The following NR5A2 variants were observed in gnomAD, a reference collection of about 807,000 sequenced individuals.
NR5A2 encodes nuclear receptor subfamily 5 group A member 2, also known as CYP7A promoter-binding factor.
In NR5A2, 26 loss-of-function variants were observed where a neutral mutation model predicts 62.7. The ratio of observed to expected loss-of-function variants is 0.41; its 90% CI spans 0.30 to 0.58. The LOEUF is 0.58. NR5A2 is among the 20% of genes least tolerant of loss of function. The pLI, the probability that NR5A2 is intolerant of heterozygous loss-of-function variation, is 0.22. For missense variants in NR5A2, 541 were observed against 669.1 expected, an observed-to-expected ratio of 0.81 and a Z score of 2.11; for synonymous variants, 246 against 241.7, an observed-to-expected ratio of 1.02 and a Z score of -0.16.
chr1:200,098,318 A>G (rs755810857), intron 5 of NR5A2, among the ~76,000 whole-genome samples: 10 of 152,090 alleles, frequency 6.6e-5, no homozygotes, highest in Admixed American at 1.3e-4. Flanking sequence ...CCAAGGTTCT[A>G]TCATTTGGTA....
intron 4 of NR5A2, among the ~76,000 whole-genome samples, chr1:200,047,336 A>T (rs1175063929): frequency 6.6e-6 from 1 of 152,126 alleles, no homozygotes; most frequent in Non-Finnish European, 1.5e-5. Context: ...GGTGAACATG[A>T]TTTTCCAAGA....
At chr1:200,126,767 T>G (rs573073929) in intron 7 of NR5A2, among the ~76,000 whole-genome samples, 1 of 152,106 alleles carries the variant, frequency 6.6e-6, no homozygotes, top group African/African-American at 2.4e-5. Context: ...TTTGCCTGCC[T>G]CAGCCTCCCA....
chr1:200,133,208 G>T (rs1667043226), intron 7 of NR5A2, among the ~76,000 whole-genome samples: 1 of 152,010 alleles, frequency 6.6e-6, no homozygotes, highest in African/African-American at 2.4e-5. Context: ...AGAAACGTGG[G>T]GAATGTACAT....
intron 5 of NR5A2, among the ~76,000 whole-genome samples, chr1:200,049,817 G>A (rs565599035): frequency 1.6e-4 from 24 of 152,270 alleles, no homozygotes; most frequent in African/African-American, 5.5e-4. Flanking sequence ...ATGCAAAGCC[G>A]ACTTTTAATT....
chr1:200,033,410 A>C (rs1260338704), intron 1 of NR5A2, among the ~76,000 whole-genome samples: 2 of 152,106 alleles, frequency 1.3e-5, no homozygotes, highest in Non-Finnish European at 2.9e-5. Flanking sequence ...AATTAAAAAA[A>C]AAAGCACTTT....
intron 5 of NR5A2, among the ~76,000 whole-genome samples, chr1:200,090,227 T>C (rs1664754313): frequency 6.6e-6 from 1 of 152,212 alleles, no homozygotes; most frequent in Non-Finnish European, 1.5e-5. Flanking sequence ...TTGTCAGAAA[T>C]TCATTTATGA....
intron 1 of NR5A2, among the ~76,000 whole-genome samples, chr1:200,037,940 A>T (rs1661853893): frequency 6.6e-6 from 1 of 152,238 alleles, no homozygotes; most frequent in Admixed American, 6.5e-5. Flanking sequence ...GGGCAGTTTC[A>T]ATGTGTAATC....
At chr1:200,038,098 T>C (rs547193208) in intron 1 of NR5A2, among the ~76,000 whole-genome samples, 1 of 152,388 alleles carries the variant, frequency 6.6e-6, no homozygotes, top group East Asian at 1.9e-4. Context: ...AGAATGTTTT[T>C]CATCTTGTTG....
intron 6 of NR5A2, 114 bp downstream of exon 6, chr1:200,111,435 C>T (rs191820164): frequency 8.0e-5 from 94 of 1,174,104 alleles, no homozygotes; most frequent in South Asian, 3.1e-4. Flanking sequence ...GAGAGATTGG[C>T]TGCCAATAAT....
intron 7 of NR5A2, among the ~76,000 whole-genome samples, chr1:200,164,765 C>A (rs1268298760): frequency 6.7e-6 from 1 of 149,696 alleles, no homozygotes; most frequent in Admixed American, 6.7e-5. Flanking sequence ...CCAGGCTGGT[C>A]TTAAACTCCT....
At chr1:200,044,929 A>G (rs1440316147) in intron 3 of NR5A2, among the ~76,000 whole-genome samples, 1 of 151,552 alleles carries the variant, frequency 6.6e-6, no homozygotes, top group African/African-American at 2.4e-5. Context: ...GCATTTTCCC[A>G]TTTTACTCTT....
At chr1:200,054,984 C>T (rs1196780994) in intron 5 of NR5A2, among the ~76,000 whole-genome samples, 2 of 151,774 alleles carry the variant, frequency 1.3e-5, no homozygotes, top group Admixed American at 6.6e-5. Flanking sequence ...GCAGCCTTGA[C>T]CTTGTGGCCT....
chr1:200,157,383 A>G (rs1028794204), intron 7 of NR5A2, among the ~76,000 whole-genome samples: 2 of 152,214 alleles, frequency 1.3e-5, no homozygotes, highest in Non-Finnish European at 2.9e-5. Context: ...TGGTCACCAC[A>G]TAGTCTTAGT....
intron 7 of NR5A2, among the ~76,000 whole-genome samples, chr1:200,137,587 T>G (rs372041384): frequency 8.3e-4 from 127 of 152,328 alleles, no homozygotes; most frequent in African/African-American, 2.9e-3. Flanking sequence ...TAGCCTAGAT[T>G]ATTAGCAGAT....
At chr1:200,038,797 C>T (rs1177251489) in intron 1 of NR5A2, 16 of 1,301,212 alleles carry the variant, frequency 1.2e-5, no homozygotes, top group Non-Finnish European at 1.4e-5. Flanking sequence ...CATTTACATC[C>T]CCCCGCCCCG....
Position 200,176,290 on chromosome 1 carries a change from G to C in NR5A2, c.*2080G>C, listed in dbSNP as rs1044172557. On this transcript the variant is annotated 3_prime_UTR_variant, in exon 8 of 8. Coordinates refer to ENST00000367362, the MANE Select transcript of NR5A2 (RefSeq NM_205860.3). ...TAGTTATTACTTCTGTGTGTACAAA[G>C]AGGATTATTTTATTATGTTTATTAA... 2 of 152,620 alleles carry C rather than the reference G, an allele frequency of 1.3e-5. No individual in the cohort carries two copies. The highest frequency in any genetic ancestry group is 2.9e-5 in the Non-Finnish European group (2 of 68,040). The allele number at this position is 152,620 out of a possible 1,614,324, so 9.5% of individuals were successfully genotyped here. A position where few individuals can be genotyped will look rare whatever the true frequency, so the allele number is the denominator to read the frequency against.
At chr1:200,165,619 G>C (rs1276330342) in intron 7 of NR5A2, among the ~76,000 whole-genome samples, 1 of 152,256 alleles carries the variant, frequency 6.6e-6, no homozygotes, top group East Asian at 1.9e-4. Flanking sequence ...CCTTTTCAAA[G>C]TGGCTTCTTT....
At chr1:200,068,090 G>T (rs1384505575) in intron 5 of NR5A2, among the ~76,000 whole-genome samples, 1 of 152,178 alleles carries the variant, frequency 6.6e-6, no homozygotes, top group Non-Finnish European at 1.5e-5. Context: ...TGAGGGTAAA[G>T]TTGCTAGTTA....
chr1:200,086,600 C>T lies in NR5A2; in HGVS notation c.1111-24602C>T, dbSNP rs145151443. ...TTGCAGGCATGAGCCATTGCGCCGG[C>T]CTGACTTCTGGAAACTTTTTTAGAA... On this transcript the variant is annotated intron_variant, in intron 5 of 7. Transcript: ENST00000367362. Among the ~76,000 whole-genome samples, 1,241 of 152,236 alleles carry T rather than the reference C, an allele frequency of 8.2e-3. 9 individuals carry two copies. The highest frequency in any genetic ancestry group is 0.018 in the African/African-American group (768 of 41,566).
Sources: gnomAD v4.1 joint callset for allele counts (sites outside exome capture counted in the v4.1 genomes callset) on GRCh38, gnomAD v4.1.1 for gene constraint, MANE v1.5 for transcripts, NCBI Gene and HGNC (gene_info 2026-07-23, HGNC 2026-07-21) for gene names.